The following ZNF385D variants were observed in gnomAD, a reference collection of about 807,000 sequenced individuals.
ZNF385D encodes zinc finger protein 659.
ZNF385D carries 15 observed loss-of-function variants against 35.8 expected under a neutral mutation model. That is an observed-to-expected ratio of 0.42 (90% CI 0.28 to 0.64). The LOEUF (loss-of-function observed/expected upper bound fraction) is 0.64. Among genes scored for constraint, ZNF385D ranks in the 30% least tolerant of loss-of-function variants. The probability of loss-of-function intolerance (pLI) is 0.23; values close to 1 mark genes in which losing one functional copy is unlikely to be tolerated. For missense variants in ZNF385D, 474 were observed against 494.6 expected (o/e 0.96, Z 0.39); for synonymous variants, 212 against 186.8 (o/e 1.13, Z -1.10).
At chr3:21,514,351 C>T (rs1209250054) in intron 3 of ZNF385D, among the ~76,000 whole-genome samples, 2 of 152,078 alleles carry the variant, frequency 1.3e-5, no homozygotes, top group South Asian at 2.1e-4. Flanking sequence ...AAAGCAGAAT[C>T]GAGTGATCAT....
intron 2 of ZNF385D, among the ~76,000 whole-genome samples, chr3:22,200,591 T>C (rs527268498): frequency 3.3e-5 from 5 of 152,206 alleles, no homozygotes; most frequent in Admixed American, 6.6e-5. Context: ...GATAACATCT[T>C]ATCAGGAGAC....
intron 3 of ZNF385D, chr3:21,777,602 G>C (rs2071338367): frequency 6.6e-6 from 1 of 151,928 alleles, no homozygotes; most frequent in Admixed American, 6.6e-5. Context: ...TTGTGAAGTT[G>C]CTTACATAGA....
At chr3:22,336,011 C>T (rs967155168) in intron 2 of ZNF385D, among the ~76,000 whole-genome samples, 1 of 151,968 alleles carries the variant, frequency 6.6e-6, no homozygotes, top group African/African-American at 2.4e-5. Flanking sequence ...TCCACTAAAA[C>T]AATTCAATTC....
chr3:22,010,771 T>C (rs556709868), intron 3 of ZNF385D, among the ~76,000 whole-genome samples: 30 of 151,492 alleles, frequency 2.0e-4, no homozygotes, highest in Non-Finnish European at 4.1e-4. Context: ...TTTAACAATT[T>C]CTGAGCTTCT....
At chr3:21,673,407 T>C (rs1575437346) in intron 1 of ZNF385D, among the ~76,000 whole-genome samples, 1 of 152,166 alleles carries the variant, frequency 6.6e-6, no homozygotes, top group East Asian at 1.9e-4. Context: ...TGCAAAGCAA[T>C]GTTCTCAAGC....
chr3:21,883,494 A>G (rs1698385948), intron 3 of ZNF385D, among the ~76,000 whole-genome samples: 1 of 152,024 alleles, frequency 6.6e-6, no homozygotes, highest in African/African-American at 2.4e-5. Context: ...ATATTCTGAT[A>G]TAAACATTTG....
At chr3:21,424,755 A>G (rs1381732712) in intron 6 of ZNF385D, among the ~76,000 whole-genome samples, 1 of 151,028 alleles carries the variant, frequency 6.6e-6, no homozygotes, top group Admixed American at 6.6e-5. Context: ...TTACATGCAA[A>G]TAAACAAAGA....
chr3:21,878,383 C>T (rs1255104500), intron 3 of ZNF385D, among the ~76,000 whole-genome samples: 1 of 151,970 alleles, frequency 6.6e-6, no homozygotes, highest in Non-Finnish European at 1.5e-5. Flanking sequence ...ATAAGGAACT[C>T]CCTACTATCA....
At chr3:21,747,863 T>C (rs1413293637) in intron 1 of ZNF385D, among the ~76,000 whole-genome samples, 1 of 152,192 alleles carries the variant, frequency 6.6e-6, no homozygotes, top group Non-Finnish European at 1.5e-5. Context: ...TTAATGGCTA[T>C]TCATCTTTGG....
chr3:21,577,710 G>T (rs1286592539), intron 2 of ZNF385D, among the ~76,000 whole-genome samples: 1 of 152,004 alleles, frequency 6.6e-6, no homozygotes. Flanking sequence ...ATTCTAACTG[G>T]GGTGGGATTA....
At chr3:21,422,992 T>C (rs909715713) in intron 7 of ZNF385D, among the ~76,000 whole-genome samples, 2 of 152,116 alleles carry the variant, frequency 1.3e-5, no homozygotes, top group African/African-American at 2.4e-5. Flanking sequence ...GCCAGGGCAA[T>C]TGGGCAAGAG....
intron 2 of ZNF385D, among the ~76,000 whole-genome samples, chr3:21,566,856 C>G (rs2063166433): frequency 2.6e-5 from 4 of 152,138 alleles, no homozygotes; most frequent in Admixed American, 2.6e-4. Flanking sequence ...CTGCCTCCTC[C>G]TCCCAGACCC....
intron 2 of ZNF385D, among the ~76,000 whole-genome samples, chr3:22,370,946 A>G (rs1008841129): frequency 6.6e-6 from 1 of 152,124 alleles, no homozygotes; most frequent in East Asian, 1.9e-4. Flanking sequence ...CCAGCACTTC[A>G]TTTCCTTAAA....
At chr3:22,045,041 G>A (rs1276800009) in intron 3 of ZNF385D, among the ~76,000 whole-genome samples, 1 of 151,932 alleles carries the variant, frequency 6.6e-6, no homozygotes, top group Non-Finnish European at 1.5e-5. Context: ...GTTAATTTTT[G>A]TTTGTTGATA....
At chr3:21,502,055 C>T (rs1706410476) in intron 4 of ZNF385D, among the ~76,000 whole-genome samples, 1 of 152,174 alleles carries the variant, frequency 6.6e-6, no homozygotes, top group African/African-American at 2.4e-5. Context: ...AAATATGTTG[C>T]TTTGGTATGC....
At chr3:22,047,606 T>C (rs1384058533) in intron 3 of ZNF385D, among the ~76,000 whole-genome samples, 2 of 152,134 alleles carry the variant, frequency 1.3e-5, no homozygotes, top group Admixed American at 6.5e-5. Context: ...GAATAGTTCA[T>C]TGTGTGCATA....
At chr3:21,600,309 T>C (rs2064247415) in intron 2 of ZNF385D, among the ~76,000 whole-genome samples, 1 of 152,160 alleles carries the variant, frequency 6.6e-6, no homozygotes. Flanking sequence ...TTGCACGAGA[T>C]CCAAGAACCC....
chr3:22,293,964 G>T (rs540605880), intron 2 of ZNF385D, among the ~76,000 whole-genome samples: 1 of 151,884 alleles, frequency 6.6e-6, no homozygotes, highest in South Asian at 2.1e-4. Context: ...TGTTAAGTTT[G>T]GGATCAATGA....
At chr3:22,135,735 A>G (rs1478498580) in intron 3 of ZNF385D, among the ~76,000 whole-genome samples, 1 of 152,240 alleles carries the variant, frequency 6.6e-6, no homozygotes, top group African/African-American at 2.4e-5. Context: ...AAGACTTACT[A>G]TAGAACTACA....
Sources: gnomAD v4.1 joint callset for allele counts (sites outside exome capture counted in the v4.1 genomes callset) on GRCh38, gnomAD v4.1.1 for gene constraint, MANE v1.5 for transcripts, NCBI Gene and HGNC (gene_info 2026-07-23, HGNC 2026-07-21) for gene names.